Variants in PALS2 observed in about 807,000 individuals in gnomAD.
PALS2 encodes the protein protein associated with LIN7 2, MAGUK p55 family member, also known as protein PALS2.
In PALS2, 27 loss-of-function variants were observed where a neutral mutation model predicts 61.6. The observed-to-expected ratio is 0.44, with a 90% CI of 0.32 to 0.60. The LOEUF is 0.60. Ranked by LOEUF, PALS2 falls within the 20% of genes least tolerant of loss-of-function variation. The pLI is 0.05. For synonymous variants in PALS2, 236 were observed against 218.6 expected (o/e 1.08, Z -0.70); for missense variants, 554 against 639.4 (o/e 0.87, Z 1.44).
In PALS2 at chr7:24,689,281, G is replaced by A. The variant is rs1283982213; in HGVS notation, c.*1667G>A. The A allele has an allele frequency of 2.0e-5, 3 of 152,098 alleles. No individual in the cohort carries two copies. The East Asian group carries it at 5.8e-4, about 29-fold the overall frequency. The allele number at this position is 152,098 out of a possible 1,614,324, so 9.4% of individuals were successfully genotyped here. On this transcript the variant is annotated 3_prime_UTR_variant, in exon 12 of 12. Coordinates refer to ENST00000222644, the MANE Select transcript of PALS2 (RefSeq NM_001303037.2). Reference sequence around the variant, plus strand: ...GAGATGCAGCTCATTATTAAATTAAGGTAACCACATTCTGTATTGTTGCTA... The same window carrying A: ...GAGATGCAGCTCATTATTAAATTAAAGTAACCACATTCTGTATTGTTGCTA...
intron 5 of PALS2, among the ~76,000 whole-genome samples, chr7:24,661,803 G>T (rs1786734615): frequency 6.6e-6 from 1 of 152,120 alleles, no homozygotes; most frequent in Non-Finnish European, 1.5e-5. Flanking sequence ...TAAATTAAAA[G>T]TCTGGCTTTA....
intron 1 of PALS2, among the ~76,000 whole-genome samples, chr7:24,611,331 C>T (rs889806373): frequency 5.3e-5 from 8 of 152,084 alleles, no homozygotes; most frequent in South Asian, 2.1e-4. Flanking sequence ...ATGCAATTCA[C>T]GGGAAGTTGA....
At chr7:24,672,330 C>G (rs1213130378) in intron 9 of PALS2, among the ~76,000 whole-genome samples, 1 of 151,782 alleles carries the variant, frequency 6.6e-6, no homozygotes, top group Non-Finnish European at 1.5e-5. Context: ...TGGATTCAAG[C>G]CATTCTCCTG....
intron 3 of PALS2, among the ~76,000 whole-genome samples, chr7:24,642,141 C>T (rs1562635351): frequency 6.6e-6 from 1 of 152,040 alleles, no homozygotes; most frequent in South Asian, 2.1e-4. Context: ...CTTAATTCAC[C>T]GTCAGACCAC....
At position 24,691,018 on chromosome 7, in the gene PALS2, A is replaced by G. The variant is rs1033104676; in HGVS notation, c.*3404A>G. On this transcript the variant is annotated 3_prime_UTR_variant, in exon 12 of 12. Transcript: ENST00000222644. ...AGATACTAACTGCTTTGACCATAAT[A>G]TCCCAATGACAATAAAAAATGATCC... 5.3e-5 allele frequency: 8 copies of G among 152,172 alleles called. No individual in the cohort carries two copies. The highest frequency in any genetic ancestry group is 1.9e-4 in the African/African-American group (8 of 41,464). The allele number at this position is 152,172 out of a possible 1,614,324, so 9.4% of individuals were successfully genotyped here.
chr7:24,625,394 C>G (rs1050422269), intron 2 of PALS2, among the ~76,000 whole-genome samples: 5 of 152,148 alleles, frequency 3.3e-5, no homozygotes, highest in Non-Finnish European at 7.3e-5. Context: ...CTTTAAAATA[C>G]ACTGTTTTGT....
chr7:24,633,178 A>G (rs1057246787), intron 2 of PALS2, among the ~76,000 whole-genome samples: 1 of 152,030 alleles, frequency 6.6e-6, no homozygotes, highest in African/African-American at 2.4e-5. Context: ...CTTTATATCA[A>G]CCCAAGTTTT....
At chr7:24,608,426 A>G (rs1784001579) in intron 1 of PALS2, among the ~76,000 whole-genome samples, 1 of 151,850 alleles carries the variant, frequency 6.6e-6, no homozygotes, top group Non-Finnish European at 1.5e-5. Context: ...ATTTCCTCTC[A>G]CACTTATTCT....
chr7:24,575,374 G>T (rs1248206718), intron 1 of PALS2, among the ~76,000 whole-genome samples: 1 of 151,994 alleles, frequency 6.6e-6, no homozygotes, highest in African/African-American at 2.4e-5. Flanking sequence ...CCAACTGTTG[G>T]ATTTTTAAAA....
chr7:24,651,896 C>G (rs1017381145), intron 5 of PALS2, among the ~76,000 whole-genome samples: 4 of 152,004 alleles, frequency 2.6e-5, no homozygotes, highest in Non-Finnish European at 5.9e-5. Context: ...ACTGTTCTTT[C>G]AAAGGTAAGG....
intron 5 of PALS2, among the ~76,000 whole-genome samples, chr7:24,654,210 TAA>T (rs766083632): frequency 1.3e-4 from 18 of 140,090 alleles, no homozygotes; most frequent in Admixed American, 1.4e-4. Flanking sequence ...TTTGCCTAGT[TAA>T]AAAAAAAAAA....
chr7:24,685,037 C>T (rs1038432455), intron 11 of PALS2, among the ~76,000 whole-genome samples: 1 of 151,640 alleles, frequency 6.6e-6, no homozygotes, highest in Admixed American at 6.6e-5. Flanking sequence ...GGTGGTTTGC[C>T]GCACAGATCA....
chr7:24,644,355 A>G (rs1352984577), intron 3 of PALS2, among the ~76,000 whole-genome samples: 1 of 151,962 alleles, frequency 6.6e-6, no homozygotes, highest in Non-Finnish European at 1.5e-5. Context: ...GAGAACATGC[A>G]TTATTTGGTT....
rs1787854715 is a variant in PALS2 at position 24,680,379 on chromosome 7, T to C, written c.1318-13T>C. ...TATTGTATAAATTGGCTTATAATTA[T>C]TCTTTTACACAGGCACTGAAAGTAT... On this transcript the variant is annotated splice_polypyrimidine_tract_variant and intron_variant, in intron 10 of 11. Transcript: ENST00000222644. 3.7e-6 allele frequency: 6 copies of C among 1,607,772 alleles called. 1 individual carries two copies. The South Asian group carries it at 4.4e-5, about 12-fold the overall frequency.
intron 2 of PALS2, among the ~76,000 whole-genome samples, chr7:24,633,154 T>TC (rs1311260171): frequency 2.0e-5 from 3 of 152,094 alleles, no homozygotes; most frequent in African/African-American, 4.8e-5. Flanking sequence ...ACCTTTTTTT[T>TC]CTCTAGCACT....
intron 3 of PALS2, among the ~76,000 whole-genome samples, chr7:24,649,214 GA>G (rs1327221967): frequency 6.6e-6 from 1 of 151,956 alleles, no homozygotes; most frequent in Non-Finnish European, 1.5e-5. Flanking sequence ...AATGTCATTT[GA>G]ATTTGAATTT....
At chr7:24,666,112 G>A (rs767160875) in intron 8 of PALS2, 23 bp downstream of exon 8, 2 of 1,578,654 alleles carry the variant, frequency 1.3e-6, no homozygotes, top group South Asian at 2.2e-5. Context: ...TACTTTTTGA[G>A]AAGTCCAAGT....
intron 7 of PALS2, 100 bp from the exon 8 acceptor site, chr7:24,665,921 C>CATTG: frequency 8.4e-7 from 1 of 1,195,990 alleles, no homozygotes; most frequent in East Asian, 2.3e-5. Flanking sequence ...TAGGATGCCA[C>CATTG]ATTGGGGAGA....
At chr7:24,632,917 A>G (rs750845571) in intron 2 of PALS2, among the ~76,000 whole-genome samples, 2 of 151,996 alleles carry the variant, frequency 1.3e-5, no homozygotes, top group Non-Finnish European at 2.9e-5. Context: ...AAAACTTTTT[A>G]GCAGTTCTCC....
Sources: gnomAD v4.1 joint callset for allele counts (sites outside exome capture counted in the v4.1 genomes callset) on GRCh38, gnomAD v4.1.1 for gene constraint, MANE v1.5 for transcripts, NCBI Gene and HGNC (gene_info 2026-07-23, HGNC 2026-07-21) for gene names.